Variants in INTU observed in about 807,000 individuals in gnomAD.
INTU encodes the protein inturned planar cell polarity protein, also known as protein inturned.
A neutral mutation model predicts 100.5 loss-of-function variants in INTU; 68 were observed. The observed-to-expected ratio is 0.68, with a 90% CI of 0.56 to 0.83. The LOEUF is 0.83. Among genes scored for constraint, INTU ranks in the 40% least tolerant of loss-of-function variants. The pLI is 0.00. For missense variants in INTU, 1,071 were observed against 1,114.7 expected (o/e 0.96, Z 0.56); for synonymous variants, 357 against 395.7 (o/e 0.90, Z 1.16).
In INTU at chr4:127,717,338, A is replaced by G. The variant is rs1392990997; in HGVS notation, c.*902A>G. 1 of 152,236 alleles carries G rather than the reference A, an allele frequency of 6.6e-6. No homozygotes were observed. Among genetic ancestry groups the G allele is most frequent in the Non-Finnish European group, 1.5e-5 (1 of 68,046 alleles). The allele number at this position is 152,236 out of a possible 1,614,324, so 9.4% of individuals were successfully genotyped here. ...TGATCTCATACCTTTTTGTGGCTGC[A>G]TAGTATTCCATGGTGTATGTGTACC... On this transcript the variant is annotated 3_prime_UTR_variant, in exon 16 of 16. Coordinates refer to ENST00000335251, the MANE Select transcript of INTU (RefSeq NM_015693.4).
At chr4:127,707,563 G>A (rs1730941176) in intron 12 of INTU, among the ~76,000 whole-genome samples, 1 of 152,074 alleles carries the variant, frequency 6.6e-6, no homozygotes, top group African/African-American at 2.4e-5. Flanking sequence ...TGTGGGGCCT[G>A]TTGGGGGCTG....
chr4:127,642,199 C>T (rs972863435), intron 1 of INTU, among the ~76,000 whole-genome samples: 3 of 152,044 alleles, frequency 2.0e-5, no homozygotes, highest in African/African-American at 7.2e-5. Context: ...TCTGTGGGTA[C>T]AGATAGGTAT....
chr4:127,723,743 G>T lies in INTU; in HGVS notation c.*7307G>T, dbSNP rs1314557622. The stretch of plus-strand genomic sequence containing the variant: ...TCAACACTTTGGGAGGCTGAGGCAG[G>T]TGGATCACTTGAGTCCAGGAGTTCA... On this transcript the variant is annotated 3_prime_UTR_variant, in exon 16 of 16. Coordinates refer to ENST00000335251, the MANE Select transcript of INTU (RefSeq NM_015693.4). The T allele has an allele frequency of 2.0e-5, 3 of 152,140 alleles. No homozygotes were observed. The East Asian group carries it at 5.8e-4, about 29-fold the overall frequency. 9.4% of individuals were successfully genotyped at this position (152,140 alleles called of 1,614,324 possible). A position where few individuals can be genotyped will look rare whatever the true frequency, so the allele number is the denominator to read the frequency against.
At position 127,684,495 on chromosome 4, in the gene INTU, T is replaced by C. The variant is rs1304916560; in HGVS notation, c.1259+9T>C. 3 of 1,382,562 alleles carry C rather than the reference T, an allele frequency of 2.2e-6. No homozygotes were observed. Among genetic ancestry groups the C allele is most frequent in the South Asian group, 2.5e-5 (2 of 81,106 alleles). The allele number at this position is 1,382,562 out of a possible 1,614,324, so 85.6% of individuals were successfully genotyped here. Reference sequence around the variant, plus strand: ...TATGGTTCTTTAGATAGGTAAGTACTTCTTCAAATTGAATCTCAAGTTTTA... The same window carrying C: ...TATGGTTCTTTAGATAGGTAAGTACCTCTTCAAATTGAATCTCAAGTTTTA... On this transcript the variant is annotated intron_variant, in intron 7 of 15. Transcript: ENST00000335251.
rs1190413815 is a variant in INTU at position 127,705,612 on chromosome 4, T to A, written c.1588T>A (p.Leu530Met). The A allele has an allele frequency of 1.2e-6, 2 of 1,613,776 alleles. No homozygotes were observed. Among genetic ancestry groups the A allele is most frequent in the East Asian group, 4.5e-5 (2 of 44,876 alleles). Residue 530 changes from leucine (L) to methionine (M), a missense_variant, in exon 11 of 16, where the codon TTG becomes ATG. Coordinates refer to ENST00000335251, the MANE Select transcript of INTU (RefSeq NM_015693.4). ...FYKGYLICSH[L>M]PKDDLIDIAV... ...CAAGGGTTATTTGATATGCAGTCAT[T>A]TGCCCAAGGATGATCTTATTGATAT...
At chr4:127,706,295 A>T (rs1261658475) in intron 11 of INTU, among the ~76,000 whole-genome samples, 192 bp from the exon 12 acceptor site, 2 of 152,232 alleles carry the variant, frequency 1.3e-5, no homozygotes, top group Non-Finnish European at 2.9e-5. Context: ...GCAATGTAAG[A>T]TTGTTTTCAA....
chr4:127,694,275 A>G (rs1730285675), intron 8 of INTU, among the ~76,000 whole-genome samples: 3 of 151,138 alleles, frequency 2.0e-5, no homozygotes, highest in African/African-American at 4.9e-5. Context: ...CAGAGATCCT[A>G]TATCTTCCTT....
At chr4:127,642,344 A>T (rs1727371823) in intron 1 of INTU, among the ~76,000 whole-genome samples, 1 of 152,214 alleles carries the variant, frequency 6.6e-6, no homozygotes, top group South Asian at 2.1e-4. Flanking sequence ...AGGCATTTTT[A>T]AAAATGACTC....
chr4:127,712,143 G>A (rs945443364), intron 14 of INTU, among the ~76,000 whole-genome samples: 3 of 152,150 alleles, frequency 2.0e-5, no homozygotes, highest in Non-Finnish European at 4.4e-5. Flanking sequence ...AAAAGTGGAA[G>A]AACATTGGAC....
chr4:127,696,650 C>T (rs1368532361), intron 8 of INTU, among the ~76,000 whole-genome samples: 1 of 151,226 alleles, frequency 6.6e-6, no homozygotes, highest in Admixed American at 6.6e-5. Flanking sequence ...ATCGATTTTT[C>T]TCTACGGCTT....
intron 14 of INTU, among the ~76,000 whole-genome samples, 185 bp from the exon 15 acceptor site, chr4:127,713,751 A>G (rs1731169677): frequency 1.3e-5 from 2 of 152,348 alleles, no homozygotes; most frequent in East Asian, 3.9e-4. Context: ...CACTTTATCC[A>G]TGAAGTCTCC....
chr4:127,671,116 G>C (rs763149145), intron 5 of INTU, among the ~76,000 whole-genome samples: 68 of 152,080 alleles, frequency 4.5e-4, no homozygotes, highest in Non-Finnish European at 8.1e-4. Flanking sequence ...AGATAAGTAG[G>C]TCTTAATTAA....
intron 2 of INTU, among the ~76,000 whole-genome samples, chr4:127,651,492 T>C (rs1189358763): frequency 6.6e-6 from 1 of 152,250 alleles, no homozygotes; most frequent in African/African-American, 2.4e-5. Flanking sequence ...TCCCCATTGC[T>C]TGTTTTTCTC....
intron 2 of INTU, among the ~76,000 whole-genome samples, chr4:127,652,005 AT>A (rs1727906827): frequency 6.8e-6 from 1 of 146,164 alleles, no homozygotes; most frequent in South Asian, 2.2e-4. Context: ...TTCACTCATG[AT>A]TTGGCTCTCT....
rs781193243 is a variant in INTU at position 127,720,123 on chromosome 4, A to G, written c.*3687A>G. 6.6e-6 allele frequency: 1 copy of G among 152,182 alleles called. No homozygotes were observed. Among genetic ancestry groups the G allele is most frequent in the Non-Finnish European group, 1.5e-5 (1 of 68,044 alleles). 9.4% of individuals were successfully genotyped at this position (152,182 alleles called of 1,614,324 possible). ...CTTTTTGATGTGGGCATTTAGTGCT[A>G]TAAATTTCCCTCTTAACACTGCTTT... On this transcript the variant is annotated 3_prime_UTR_variant, in exon 16 of 16. Transcript: ENST00000335251.
rs142618883 is a variant in INTU at position 127,706,542 on chromosome 4, T to A, written c.1844T>A (p.Ile615Asn). ...GCTGGAGGTTGCGCATCCAAAGCTATTGGGAGTCCTGGACCAGACTGTGTA... is the reference window on the plus strand; with the variant it reads ...GCTGGAGGTTGCGCATCCAAAGCTAATGGGAGTCCTGGACCAGACTGTGTA... Reference protein sequence around the residue: ...LEAGGCASKAIGSPGPDCVYV... With the variant: ...LEAGGCASKANGSPGPDCVYV... The change falls in exon 12 of 16, where the codon ATT becomes AAT. Residue 615 changes from isoleucine (I) to asparagine (N), a missense_variant. Ile to Asn is a moderately radical substitution (Grantham distance 149, BLOSUM62 -3). Transcript: ENST00000335251. The A allele has an allele frequency of 1.1e-4, 172 of 1,613,858 alleles. No individual in the cohort carries two copies. The highest frequency in any genetic ancestry group is 6.6e-4 in the Middle Eastern group (4 of 6,076).
intron 2 of INTU, among the ~76,000 whole-genome samples, chr4:127,649,731 G>C (rs1001683311): frequency 6.6e-6 from 1 of 152,144 alleles, no homozygotes; most frequent in African/African-American, 2.4e-5. Flanking sequence ...TAAGCTCCCT[G>C]AGAGTAGAGA....
rs1439201650 is a variant in INTU at position 127,684,467 on chromosome 4, A to G, written c.1240A>G (p.Met414Val). 7 of 1,581,688 alleles carry G rather than the reference A, an allele frequency of 4.4e-6. No homozygotes were observed. Among genetic ancestry groups the G allele is most frequent in the Middle Eastern group, 3.3e-4 (2 of 5,984 alleles). Residue 414 changes from methionine to valine, a missense_variant, in exon 7 of 16, where the codon ATG becomes GTG. Met to Val is a conservative substitution (Grantham distance 21, BLOSUM62 1). Coordinates refer to ENST00000335251, the MANE Select transcript of INTU (RefSeq NM_015693.4). ...IENVIQTLKF[M>V]YGSLDSAFCQ... The stretch of plus-strand genomic sequence containing the variant: ...AAATGTCATCCAAACCTTAAAATTT[A>G]TGTATGGTTCTTTAGATAGGTAAGT...
At chr4:127,701,526 A>G (rs1429733202) in intron 9 of INTU, among the ~76,000 whole-genome samples, 1 of 152,172 alleles carries the variant, frequency 6.6e-6, no homozygotes, top group Non-Finnish European at 1.5e-5. Flanking sequence ...TATTGTGATA[A>G]TGGTATGATT....
Sources: allele counts gnomAD v4.1 joint callset (sites outside exome capture counted in the v4.1 genomes callset), GRCh38; gene constraint gnomAD v4.1.1; transcripts MANE v1.5; gene names NCBI Gene and HGNC (gene_info 2026-07-23, HGNC 2026-07-21).